The following LRRIQ3 variants were observed in gnomAD, a reference collection of about 807,000 sequenced individuals.
The protein encoded by LRRIQ3 is leucine rich repeats and IQ motif containing 3.
A neutral mutation model predicts 59.3 loss-of-function variants in LRRIQ3; 75 were observed. That is an observed-to-expected ratio of 1.26 (90% CI 1.05 to 1.53). LRRIQ3 has a LOEUF of 1.53. Among genes scored for constraint, LRRIQ3 ranks in the 40% most tolerant of loss-of-function variants. LRRIQ3 has a pLI of 0.00. For synonymous variants in LRRIQ3, 250 were observed against 231.3 expected, an observed-to-expected ratio of 1.08 and a Z score of -0.73; for missense variants, 831 against 710.0, an observed-to-expected ratio of 1.17 and a Z score of -1.94.
At chr1:74,083,117 C>T (rs1191140908) in intron 5 of LRRIQ3, 1 of 151,614 alleles carries the variant, frequency 6.6e-6, no homozygotes, top group African/African-American at 2.4e-5. Flanking sequence ...CACACAAACA[C>T]ACGTGCTTAT....
chr1:74,111,547 T>C (rs904523708), intron 4 of LRRIQ3, among the ~76,000 whole-genome samples: 1 of 152,086 alleles, frequency 6.6e-6, no homozygotes, highest in Non-Finnish European at 1.5e-5. Context: ...GGGAGATGAT[T>C]TTCTGGAATA....
intron 1 of LRRIQ3, among the ~76,000 whole-genome samples, chr1:74,196,487 A>G (rs1651138504): frequency 6.6e-6 from 1 of 152,164 alleles, no homozygotes; most frequent in African/African-American, 2.4e-5. Flanking sequence ...CTAGACTCGT[A>G]TGTATAATGC....
intron 5 of LRRIQ3, chr1:74,083,970 T>A (rs1190593115): frequency 4.7e-6 from 2 of 427,070 alleles, no homozygotes; most frequent in Admixed American, 4.4e-5. Flanking sequence ...AATAATATCA[T>A]GAACATTTTA....
rs112885652 is a variant in LRRIQ3 at position 74,107,585 on chromosome 1, T to G, written c.867+1809A>C. On this transcript the variant is annotated intron_variant, in intron 5 of 7. Coordinates refer to ENST00000354431, the MANE Select transcript of LRRIQ3 (RefSeq NM_001105659.2). ...ATAAAAGAATAATATGTAATTATTA[T>G]ATAAATAATAAAATAAGAATAATGA... Among the ~76,000 whole-genome samples the G allele has an allele frequency of 9.5e-3, 1,417 of 149,328 alleles. 17 individuals carry two copies. The highest frequency in any genetic ancestry group is 0.041 in the Admixed American group (610 of 14,942).
intron 4 of LRRIQ3, among the ~76,000 whole-genome samples, chr1:74,111,264 G>A (rs1570132676): frequency 6.6e-6 from 1 of 151,896 alleles, no homozygotes; most frequent in East Asian, 1.9e-4. Context: ...GAGACAGATA[G>A]TATATAAATA....
At chr1:74,164,352 C>A (rs958902601) in intron 3 of LRRIQ3, among the ~76,000 whole-genome samples, 3 of 151,330 alleles carry the variant, frequency 2.0e-5, no homozygotes, top group African/African-American at 4.8e-5. Context: ...GACTGGTGTT[C>A]TTTTAAGAAA....
intron 4 of LRRIQ3, among the ~76,000 whole-genome samples, chr1:74,140,146 G>A (rs138555330): frequency 7.3e-4 from 111 of 151,318 alleles, no homozygotes; most frequent in African/African-American, 2.4e-3. Flanking sequence ...TGTCAGACTG[G>A]GTTTAAAAAA....
At chr1:74,054,528 T>C (rs1367855007) in intron 6 of LRRIQ3, among the ~76,000 whole-genome samples, 2 of 151,996 alleles carry the variant, frequency 1.3e-5, no homozygotes, top group Non-Finnish European at 2.9e-5. Flanking sequence ...TAAATTATGA[T>C]CTTTTGCAGA....
At chr1:74,176,492 C>G (rs1649647248) in intron 3 of LRRIQ3, among the ~76,000 whole-genome samples, 1 of 152,188 alleles carries the variant, frequency 6.6e-6, no homozygotes, top group South Asian at 2.1e-4. Flanking sequence ...GCATTTATGT[C>G]TATTGCAACA....
intron 3 of LRRIQ3, among the ~76,000 whole-genome samples, chr1:74,177,704 T>A (rs1313416307): frequency 6.6e-6 from 1 of 151,898 alleles, no homozygotes. Context: ...TATATTTTAA[T>A]GTTTTAGGGA....
At chr1:74,098,232 CA>C (rs1228409870) in intron 5 of LRRIQ3, among the ~76,000 whole-genome samples, 1 of 151,574 alleles carries the variant, frequency 6.6e-6, no homozygotes, top group Admixed American at 6.6e-5. Flanking sequence ...AAATAGAAAA[CA>C]AAAAAAGGCA....
intron 6 of LRRIQ3, among the ~76,000 whole-genome samples, chr1:74,073,672 T>TA (rs1646164070): frequency 6.7e-6 from 1 of 149,954 alleles, no homozygotes; most frequent in African/African-American, 2.5e-5. Context: ...ACTGATGAAA[T>TA]AAAGCCACTG....
chr1:74,088,995 T>C (rs990893929), intron 5 of LRRIQ3, among the ~76,000 whole-genome samples: 1 of 151,952 alleles, frequency 6.6e-6, no homozygotes. Context: ...TATAAAATGA[T>C]CAAAGGATTT....
intron 4 of LRRIQ3, among the ~76,000 whole-genome samples, chr1:74,114,755 C>T (rs1436500483): frequency 6.7e-6 from 1 of 148,870 alleles, no homozygotes; most frequent in African/African-American, 2.5e-5. Flanking sequence ...AAAAAATGCA[C>T]CAAGAAAATC....
intron 7 of LRRIQ3, among the ~76,000 whole-genome samples, chr1:74,029,587 G>A (rs947552354): frequency 1.3e-5 from 2 of 152,038 alleles, no homozygotes; most frequent in African/African-American, 4.8e-5. Context: ...ATCTACTGCT[G>A]GACTTGGTAT....
At chr1:74,181,344 T>A (rs2100721542) in intron 3 of LRRIQ3, 1 of 152,214 alleles carries the variant, frequency 6.6e-6, no homozygotes, top group East Asian at 1.9e-4. Context: ...GTCAATACCA[T>A]TTATTCATAG....
chr1:74,161,113 C>G (rs1401211697), intron 3 of LRRIQ3, among the ~76,000 whole-genome samples: 1 of 151,942 alleles, frequency 6.6e-6, no homozygotes, highest in Admixed American at 6.6e-5. Context: ...GATTAAGGCC[C>G]ATTTCCTGGT....
intron 4 of LRRIQ3, among the ~76,000 whole-genome samples, chr1:74,139,968 TACA>T (rs1647202117): frequency 6.6e-6 from 1 of 151,498 alleles, no homozygotes; most frequent in Non-Finnish European, 1.5e-5. Context: ...GGGGAAAACA[TACA>T]ACAATAAAAA....
At chr1:74,173,889 A>G (rs1027892337) in intron 3 of LRRIQ3, among the ~76,000 whole-genome samples, 1 of 151,962 alleles carries the variant, frequency 6.6e-6, no homozygotes, top group African/African-American at 2.4e-5. Context: ...TAGGCATAGT[A>G]TTTTTGGTTG....
Sources: allele counts gnomAD v4.1 joint callset (sites outside exome capture counted in the v4.1 genomes callset), GRCh38; gene constraint gnomAD v4.1.1; transcripts MANE v1.5; gene names NCBI Gene and HGNC (gene_info 2026-07-23, HGNC 2026-07-21).